The following TAFA2 variants were observed in gnomAD, a reference collection of about 807,000 sequenced individuals.
TAFA2 encodes TAFA chemokine like family member 2, also known as chemokine-like protein TAFA-2.
TAFA2 carries 7 observed loss-of-function variants against 18.8 expected under a neutral mutation model. The ratio of observed to expected loss-of-function variants is 0.37; its 90% confidence interval spans 0.21 to 0.70. The LOEUF (loss-of-function observed/expected upper bound fraction) is 0.70. TAFA2 is among the 30% of genes least tolerant of loss of function. The pLI, the probability that TAFA2 is intolerant of heterozygous loss-of-function variation, is 0.53. For synonymous variants in TAFA2, 60 were observed against 54.2 expected (o/e 1.11, Z -0.47); for missense variants, 122 against 158.1 (o/e 0.77, Z 1.23).
chr12:62,230,848 T>C (rs1401184929), intron 1 of TAFA2, among the ~76,000 whole-genome samples: 1 of 152,184 alleles, frequency 6.6e-6, no homozygotes, highest in African/African-American at 2.4e-5. Context: ...GACTAATTTT[T>C]TATCTTTCAT....
intron 1 of TAFA2, among the ~76,000 whole-genome samples, chr12:62,010,266 G>A (rs1442986192): frequency 6.6e-6 from 1 of 150,520 alleles, no homozygotes; most frequent in African/African-American, 2.4e-5. Flanking sequence ...CCTGCCCCGG[G>A]CTCCCGTGGT....
intron 1 of TAFA2, among the ~76,000 whole-genome samples, chr12:62,221,210 GAA>G (rs1341890983): frequency 5.6e-5 from 5 of 89,898 alleles, no homozygotes; most frequent in African/African-American, 2.1e-4. Context: ...GGGAAGGAAG[GAA>G]GGGGGGAAGG....
chr12:62,035,079 C>A (rs1230748906), intron 1 of TAFA2, among the ~76,000 whole-genome samples: 6 of 152,144 alleles, frequency 3.9e-5, no homozygotes, highest in Non-Finnish European at 8.8e-5. Flanking sequence ...TATTGGTTTA[C>A]AAATAAATGC....
intron 1 of TAFA2, among the ~76,000 whole-genome samples, chr12:62,202,169 A>AT (rs1283904426): frequency 2.0e-5 from 3 of 150,942 alleles, no homozygotes; most frequent in African/African-American, 7.3e-5. Context: ...TATTTTATTA[A>AT]TTTTTTTCAA....
chr12:62,102,496 A>T (rs935055800), intron 1 of TAFA2, among the ~76,000 whole-genome samples: 8 of 152,190 alleles, frequency 5.3e-5, no homozygotes, highest in African/African-American at 1.9e-4. Context: ...GACTAGGGTA[A>T]CGTGTTCCAC....
chr12:62,147,859 C>T (rs1289083589), intron 1 of TAFA2, among the ~76,000 whole-genome samples: 1 of 149,742 alleles, frequency 6.7e-6, no homozygotes, highest in African/African-American at 2.5e-5. Context: ...AACTTAAAAA[C>T]ATCAACAAGA....
chr12:62,075,666 G>A (rs1005075204), intron 1 of TAFA2, among the ~76,000 whole-genome samples: 1 of 152,026 alleles, frequency 6.6e-6, no homozygotes, highest in Non-Finnish European at 1.5e-5. Flanking sequence ...GATCACACAG[G>A]CACACATACA....
chr12:61,806,605 G>A (rs1480111198), intron 2 of TAFA2, among the ~76,000 whole-genome samples: 1 of 152,176 alleles, frequency 6.6e-6, no homozygotes, highest in Non-Finnish European at 1.5e-5. Flanking sequence ...TGTTTGGAGG[G>A]GTCAGAAGAA....
intron 4 of TAFA2, among the ~76,000 whole-genome samples, chr12:61,751,968 A>G (rs1201439958): frequency 6.6e-6 from 1 of 152,014 alleles, no homozygotes; most frequent in African/African-American, 2.4e-5. Flanking sequence ...TAAGAAAAGA[A>G]CTATACGATA....
At chr12:61,860,884 G>C (rs1874098139) in intron 2 of TAFA2, among the ~76,000 whole-genome samples, 1 of 152,140 alleles carries the variant, frequency 6.6e-6, no homozygotes, top group East Asian at 1.9e-4. Context: ...GTTATTATCT[G>C]ATTAATGTTT....
intron 1 of TAFA2, among the ~76,000 whole-genome samples, chr12:62,012,795 A>G (rs1732364): frequency 0.76 from 114,911 of 152,002 alleles, 43,684 homozygotes; most frequent in African/African-American, 0.78. Flanking sequence ...ACTCAGAAGA[A>G]AAAAAATAAA....
intron 1 of TAFA2, among the ~76,000 whole-genome samples, chr12:62,040,932 GCC>G (rs1881740674): frequency 6.6e-6 from 1 of 152,022 alleles, no homozygotes. Flanking sequence ...ACTTCAACAG[GCC>G]ATGTGATTAG....
intron 1 of TAFA2, among the ~76,000 whole-genome samples, chr12:62,123,273 T>C (rs1376468587): frequency 6.6e-6 from 1 of 152,158 alleles, no homozygotes; most frequent in Non-Finnish European, 1.5e-5. Context: ...GGATAGTTGG[T>C]GGACTAATTG....
At chr12:62,244,448 A>C (rs1461311132) in intron 1 of TAFA2, among the ~76,000 whole-genome samples, 1 of 152,164 alleles carries the variant, frequency 6.6e-6, no homozygotes, top group Non-Finnish European at 1.5e-5. Context: ...TTATTGACCA[A>C]ATATGCAACA....
chr12:62,254,844 T>C (rs994215853), intron 1 of TAFA2, among the ~76,000 whole-genome samples: 11 of 152,226 alleles, frequency 7.2e-5, no homozygotes, highest in Non-Finnish European at 1.5e-4. Flanking sequence ...TAAGACTCTT[T>C]GTGAGCAATT....
chr12:61,737,576 C>T (rs1020734186), intron 4 of TAFA2, among the ~76,000 whole-genome samples: 9 of 151,348 alleles, frequency 5.9e-5, no homozygotes, highest in Admixed American at 3.3e-4. Context: ...TTGTGTGGCC[C>T]TGTTATTTCA....
chr12:61,755,541 G>A (rs759620781), intron 2 of TAFA2, among the ~76,000 whole-genome samples: 3 of 152,036 alleles, frequency 2.0e-5, no homozygotes, highest in Admixed American at 1.3e-4. Context: ...CAGTTTCCCT[G>A]AAAATGAACA....
intron 1 of TAFA2, among the ~76,000 whole-genome samples, chr12:61,967,897 C>A (rs1421474352): frequency 1.3e-5 from 2 of 151,950 alleles, no homozygotes; most frequent in Admixed American, 1.3e-4. Context: ...GACACACAAG[C>A]AAGGAAGCAC....
chr12:61,834,383 C>A (rs1349850267), intron 2 of TAFA2, among the ~76,000 whole-genome samples: 1 of 151,980 alleles, frequency 6.6e-6, no homozygotes, highest in Non-Finnish European at 1.5e-5. Context: ...ACCTGCATAT[C>A]GGCTCTTATT....
Sources: gnomAD v4.1 joint callset for allele counts (sites outside exome capture counted in the v4.1 genomes callset) on GRCh38, gnomAD v4.1.1 for gene constraint, MANE v1.5 for transcripts, NCBI Gene and HGNC (gene_info 2026-07-23, HGNC 2026-07-21) for gene names.